Variants in ANKFN1 observed in about 807,000 individuals in gnomAD.
ANKFN1 encodes ankyrin repeat and fibronectin type-III domain-containing protein 1.
Under a neutral mutation model 108.7 loss-of-function variants are expected in ANKFN1, and 74 were observed. The observed-to-expected ratio is 0.68, with a 90% CI of 0.56 to 0.83. The LOEUF is 0.83. Ranked by LOEUF, ANKFN1 falls within the 40% of genes least tolerant of loss-of-function variation. The pLI is 0.00. For missense variants in ANKFN1, 1,505 were observed against 1,382.3 expected (o/e 1.09, Z -1.41); for synonymous variants, 547 against 516.2 (o/e 1.06, Z -0.81).
chr17:56,241,311 G>T (rs957479862), intron 3 of ANKFN1, among the ~76,000 whole-genome samples: 4 of 152,008 alleles, frequency 2.6e-5, no homozygotes, highest in African/African-American at 9.7e-5. Flanking sequence ...ACAAAAAAAA[G>T]AAAGTTACAT....
chr17:56,238,604 C>T (rs914614242), intron 3 of ANKFN1, among the ~76,000 whole-genome samples: 1 of 152,024 alleles, frequency 6.6e-6, no homozygotes, highest in African/African-American at 2.4e-5. Context: ...GGTAGCAACC[C>T]CTGCTTTTTT....
chr17:56,351,449 A>T (rs917390684), intron 5 of ANKFN1, among the ~76,000 whole-genome samples: 6 of 39,660 alleles, frequency 1.5e-4, no homozygotes, highest in Non-Finnish European at 4.4e-4. Flanking sequence ...GGAAAAATAT[A>T]AAAAAAAACA....
At chr17:56,372,280 A>G (rs1467332152) in intron 6 of ANKFN1, among the ~76,000 whole-genome samples, 1 of 152,184 alleles carries the variant, frequency 6.6e-6, no homozygotes, top group Non-Finnish European at 1.5e-5. Flanking sequence ...TTTTGCCCCT[A>G]CATGTTTGTC....
At chr17:56,225,503 A>T (rs888498268) in intron 2 of ANKFN1, among the ~76,000 whole-genome samples, 2 of 152,078 alleles carry the variant, frequency 1.3e-5, no homozygotes, top group Admixed American at 1.3e-4. Flanking sequence ...ATCCCTCTAA[A>T]CTGTCCAATT....
chr17:56,262,886 T>A (rs933869856), intron 3 of ANKFN1, among the ~76,000 whole-genome samples: 1 of 152,128 alleles, frequency 6.6e-6, no homozygotes, highest in Non-Finnish European at 1.5e-5. Flanking sequence ...GAAAGAAGAC[T>A]TTTCCCCCCT....
chr17:56,128,970 T>C (rs1392818738), intron 4 of ANKFN1, among the ~76,000 whole-genome samples: 2 of 152,198 alleles, frequency 1.3e-5, no homozygotes, highest in Non-Finnish European at 2.9e-5. Flanking sequence ...TGTGTAAGTA[T>C]GTGTGCATGT....
chr17:56,498,000 G>T (rs1023272188), intron 19 of ANKFN1, among the ~76,000 whole-genome samples: 3 of 152,070 alleles, frequency 2.0e-5, no homozygotes, highest in African/African-American at 7.2e-5. Flanking sequence ...TATATACAGA[G>T]AGACACAAAA....
At chr17:56,101,556 A>G (rs905232562) in intron 4 of ANKFN1, among the ~76,000 whole-genome samples, 2 of 152,214 alleles carry the variant, frequency 1.3e-5, no homozygotes, top group Admixed American at 6.5e-5. Context: ...TGCTCTGTGC[A>G]CCAGTGCCAG....
intron 1 of ANKFN1, among the ~76,000 whole-genome samples, chr17:56,201,872 A>C (rs1402596328): frequency 2.0e-5 from 3 of 152,246 alleles, no homozygotes; most frequent in Non-Finnish European, 4.4e-5. Flanking sequence ...CTCGCAAATT[A>C]GCAATAGCAG....
rs1916300481 is a variant in ANKFN1, at chr17:56,226,677, C to T, written c.13-1240C>T. Among the ~76,000 whole-genome samples the T allele has an allele frequency of 3.9e-5, 6 of 152,172 alleles. No individual in the cohort carries two copies. In the South Asian group the frequency reaches 1.0e-3, roughly 26 times the overall value. ...ATCATATGTTCTTAATTTGGTTTTACAACTTGGCCTTCTGATAGTAATAAT... is the reference window on the plus strand; with the variant it reads ...ATCATATGTTCTTAATTTGGTTTTATAACTTGGCCTTCTGATAGTAATAAT... On this transcript the variant is annotated intron_variant, in intron 2 of 20. Coordinates refer to ENST00000682825, the MANE Select transcript of ANKFN1 (RefSeq NM_001370326.1).
intron 4 of ANKFN1, among the ~76,000 whole-genome samples, chr17:56,347,179 A>G (rs1041055975): frequency 6.6e-6 from 1 of 152,016 alleles, no homozygotes; most frequent in Non-Finnish European, 1.5e-5. Flanking sequence ...ACAAACACAC[A>G]GAAGTCTCTA....
intron 4 of ANKFN1, among the ~76,000 whole-genome samples, chr17:56,144,535 G>A (rs1231817527): frequency 6.6e-6 from 1 of 152,220 alleles, no homozygotes; most frequent in East Asian, 1.9e-4. Context: ...GCCCTCGCGG[G>A]AGTCCCTAGA....
chr17:56,459,454 A>C (rs1254606404), intron 14 of ANKFN1, among the ~76,000 whole-genome samples: 1 of 152,198 alleles, frequency 6.6e-6, no homozygotes, highest in African/African-American at 2.4e-5. Context: ...CAACTCAAGA[A>C]GCAGTTCTTG....
At chr17:56,153,471 G>T, upstream of ANKFN1, 1 of 1,613,520 alleles carries the variant, frequency 6.2e-7, no homozygotes, top group Non-Finnish European at 8.5e-7. Flanking sequence ...CCACCCCCCA[G>T]GTCCTCTTTC....
At chr17:56,344,871 T>A (rs9900577) in intron 4 of ANKFN1, among the ~76,000 whole-genome samples, 2 of 151,884 alleles carry the variant, frequency 1.3e-5, no homozygotes, top group Non-Finnish European at 2.9e-5. Context: ...TTTTTGTTTG[T>A]TTGTTTGCGT....
chr17:56,389,007 T>C (rs939576040), intron 8 of ANKFN1, among the ~76,000 whole-genome samples: 2 of 141,164 alleles, frequency 1.4e-5, no homozygotes, highest in African/African-American at 5.3e-5. Context: ...TTTGGCAATT[T>C]CAAAAAAAAA....
chr17:56,325,924 T>C (rs2045503036), intron 3 of ANKFN1, among the ~76,000 whole-genome samples: 1 of 152,210 alleles, frequency 6.6e-6, no homozygotes, highest in Non-Finnish European at 1.5e-5. Flanking sequence ...CAGTCTTGTT[T>C]ACTATGTAGC....
chr17:56,161,118 G>A (rs1024222357), intron 1 of ANKFN1, among the ~76,000 whole-genome samples: 1 of 152,110 alleles, frequency 6.6e-6, no homozygotes, highest in African/African-American at 2.4e-5. Flanking sequence ...ATTCAACCTC[G>A]GTTTCCTCCT....
rs940824492 is a variant in ANKFN1 at position 56,244,455 on chromosome 17, C to T, written c.53+16498C>T. Among the ~76,000 whole-genome samples, 9 of 152,226 alleles carry T rather than the reference C, an allele frequency of 5.9e-5. No individual in the cohort carries two copies. In the East Asian group the frequency reaches 1.5e-3, roughly 26 times the overall value. On this transcript the variant is annotated intron_variant, in intron 3 of 20. Coordinates refer to ENST00000682825, the MANE Select transcript of ANKFN1 (RefSeq NM_001370326.1). Reference sequence around the variant, plus strand: ...CAAAGTGATCACATCATGAACTTCTCAATCTTCAACTCTCAGGGTCCAGCA... The same window carrying T: ...CAAAGTGATCACATCATGAACTTCTTAATCTTCAACTCTCAGGGTCCAGCA...
Sources: gnomAD v4.1 joint callset for allele counts (sites outside exome capture counted in the v4.1 genomes callset) on GRCh38, gnomAD v4.1.1 for gene constraint, MANE v1.5 for transcripts, NCBI Gene and HGNC (gene_info 2026-07-23, HGNC 2026-07-21) for gene names.